The following GREM2 variants were observed in gnomAD, a reference collection of about 807,000 sequenced individuals.
GREM2 encodes gremlin 2, DAN family BMP antagonist.
In GREM2, 11 loss-of-function variants were observed where a neutral mutation model predicts 14.2. The observed-to-expected ratio is 0.78, with a 90% confidence interval of 0.49 to 1.28. The LOEUF (loss-of-function observed/expected upper bound fraction) is 1.28. GREM2 is among the 50% of genes most tolerant of loss of function. The probability of loss-of-function intolerance (pLI) is 0.00; values close to 1 mark genes in which losing one functional copy is unlikely to be tolerated. For missense variants in GREM2, 210 were observed against 218.5 expected (o/e 0.96, Z 0.24); for synonymous variants, 98 against 97.6 (o/e 1.00, Z -0.02).
In GREM2 at chr1:240,505,202, C is replaced by T. The variant is rs544169700; in HGVS notation, c.-1-11726G>A. The stretch of plus-strand genomic sequence containing the variant: ...CGCCATGACTGTAAGTTTCCTGAGG[C>T]CTCCCCAGAAGCTGAGCAGATGACC... On this transcript the variant is annotated intron_variant, in intron 1 of 1. Transcript: ENST00000318160. 2.2e-4 allele frequency among the ~76,000 whole-genome samples: 34 copies of T among 152,260 alleles called. No homozygotes were observed. The South Asian group carries it at 2.7e-3, about 12-fold the overall frequency.
At chr1:240,537,123 G>C (rs879722371) in intron 1 of GREM2, among the ~76,000 whole-genome samples, 1 of 152,128 alleles carries the variant, frequency 6.6e-6, no homozygotes, top group Non-Finnish European at 1.5e-5. Flanking sequence ...TAGCCTCCTT[G>C]CCTCCCTTCC....
intron 1 of GREM2, among the ~76,000 whole-genome samples, chr1:240,587,842 A>T (rs1679627831): frequency 6.6e-6 from 1 of 152,098 alleles, no homozygotes; most frequent in African/African-American, 2.4e-5. Context: ...GAATCCACTG[A>T]GGTAGTATTA....
intron 1 of GREM2, among the ~76,000 whole-genome samples, chr1:240,499,875 G>C (rs1248971771): frequency 2.6e-5 from 4 of 152,238 alleles, no homozygotes; most frequent in African/African-American, 9.6e-5. Context: ...GTGGAGACCT[G>C]AATATAATGC....
chr1:240,524,903 C>T (rs1357655328), intron 1 of GREM2, among the ~76,000 whole-genome samples: 1 of 152,146 alleles, frequency 6.6e-6, no homozygotes, highest in African/African-American at 2.4e-5. Context: ...AACAGCTAGG[C>T]CAGTCGTGGA....
intron 1 of GREM2, among the ~76,000 whole-genome samples, chr1:240,580,635 C>A (rs1161279674): frequency 6.6e-6 from 1 of 152,170 alleles, no homozygotes; most frequent in Non-Finnish European, 1.5e-5. Flanking sequence ...ACTGCAGTGG[C>A]ACAATCATAG....
chr1:240,577,641 A>C (rs535613600), intron 1 of GREM2, among the ~76,000 whole-genome samples: 9 of 152,326 alleles, frequency 5.9e-5, no homozygotes, highest in Admixed American at 4.6e-4. Context: ...TTTCTTTGGG[A>C]AATTATTACA....
chr1:240,531,714 C>CT (rs11353211), intron 1 of GREM2: 909 of 919,616 alleles, frequency 9.9e-4, no homozygotes, highest in South Asian at 1.2e-3. Context: ...TTTTCTTCTT[C>CT]TTTTTTTTTT....
chr1:240,510,473 A>AG (rs141446320), intron 1 of GREM2, among the ~76,000 whole-genome samples: 7,162 of 141,580 alleles, frequency 0.051, 591 homozygotes, highest in African/African-American at 0.17. Flanking sequence ...CTGGGGGTGG[A>AG]GGGGAAAGGA....
In GREM2 at chr1:240,531,687, TTTTTC is replaced by T. The variant is rs1357296237; in HGVS notation, c.-1-38216_-1-38212del. 5 of 976,094 alleles carry T rather than the reference TTTTTC, an allele frequency of 5.1e-6. No homozygotes were observed. The South Asian group carries it at 1.9e-4, about 37-fold the overall frequency. 60.5% of individuals were successfully genotyped at this position (976,094 alleles called of 1,614,324 possible). A position where few individuals can be genotyped will look rare whatever the true frequency, so the allele number is the denominator to read the frequency against. On this transcript the variant is annotated intron_variant, in intron 1 of 1. Coordinates refer to ENST00000318160, the MANE Select transcript of GREM2 (RefSeq NM_022469.4). ...GTGGACTCAGCTCTGAGTGCTCTCA[TTTTTC>T]TTTTCTTTTCTTTTTCTTCTTCTTT...
intron 1 of GREM2, among the ~76,000 whole-genome samples, chr1:240,566,563 A>C (rs1679179680): frequency 6.6e-6 from 1 of 152,138 alleles, no homozygotes; most frequent in Non-Finnish European, 1.5e-5. Context: ...GATGAGAGAG[A>C]GGTGCAGTGA....
Position 240,543,382 on chromosome 1 carries a change from G to C in GREM2, c.-1-49906C>G, listed in dbSNP as rs1027879615. Among the ~76,000 whole-genome samples, 1 of 152,216 alleles carries C rather than the reference G, an allele frequency of 6.6e-6. No individual in the cohort carries two copies. Among genetic ancestry groups the C allele is most frequent in the Non-Finnish European group, 1.5e-5 (1 of 68,042 alleles). ...CTCACAATCAAGGCAGAAGACAAAT[G>C]AGGAGCAAAATCACGTCTTACATGG... is the stretch of plus-strand genomic sequence containing the variant. On this transcript the variant is annotated intron_variant, in intron 1 of 1. Coordinates refer to ENST00000318160, the MANE Select transcript of GREM2 (RefSeq NM_022469.4). The surrounding 1 kb of genome is among the most constrained non-coding windows in gnomAD (Gnocchi z 6.4).
rs910020836 is a variant in GREM2 at position 240,580,172 on chromosome 1, C to T, written c.-2+31712G>A. Among the ~76,000 whole-genome samples, 4 of 152,114 alleles carry T rather than the reference C, an allele frequency of 2.6e-5. No individual in the cohort carries two copies. The East Asian group carries it at 5.8e-4, about 22-fold the overall frequency. On this transcript the variant is annotated intron_variant, in intron 1 of 1. Coordinates refer to ENST00000318160, the MANE Select transcript of GREM2 (RefSeq NM_022469.4). ...TTGGGAGGTCAAGGCAGGCAGATTG[C>T]TTGAGCCCAGGAGTTCGAGACCAGC...
At chr1:240,570,629 A>G (rs74149167) in intron 1 of GREM2, among the ~76,000 whole-genome samples, 3,310 of 152,312 alleles carry the variant, frequency 0.022, 117 homozygotes, top group African/African-American at 0.076. Context: ...CAATAAGAGA[A>G]CCAATCAAAT....
intron 1 of GREM2, among the ~76,000 whole-genome samples, chr1:240,557,770 T>A (rs904954020): frequency 6.6e-6 from 1 of 150,478 alleles, no homozygotes; most frequent in African/African-American, 2.4e-5. Context: ...GGTGAAGAGA[T>A]CCAAGATGGC....
At chr1:240,500,354 A>G (rs1325032017) in intron 1 of GREM2, among the ~76,000 whole-genome samples, 4 of 151,462 alleles carry the variant, frequency 2.6e-5, no homozygotes, top group African/African-American at 9.7e-5. Context: ...GCTGGAGTGC[A>G]GTGGCGCGAT....
At chr1:240,549,202 G>A (rs1440366889) in intron 1 of GREM2, among the ~76,000 whole-genome samples, 2 of 152,030 alleles carry the variant, frequency 1.3e-5, no homozygotes, top group African/African-American at 4.8e-5. Context: ...CAGGTGTGGT[G>A]GCACATGCCT....
At chr1:240,515,365 C>T (rs952735748) in intron 1 of GREM2, among the ~76,000 whole-genome samples, 2 of 152,166 alleles carry the variant, frequency 1.3e-5, no homozygotes, top group Non-Finnish European at 2.9e-5. Context: ...AATGGACCTA[C>T]GAGTCCAACT....
At chr1:240,567,029 C>A (rs1679185303) in intron 1 of GREM2, among the ~76,000 whole-genome samples, 1 of 151,992 alleles carries the variant, frequency 6.6e-6, no homozygotes, top group Non-Finnish European at 1.5e-5. Context: ...TCTCAAACTT[C>A]TAAAGATGAA....
intron 1 of GREM2, among the ~76,000 whole-genome samples, chr1:240,525,476 C>G (rs1032313118): frequency 1.3e-5 from 2 of 152,058 alleles, no homozygotes; most frequent in Admixed American, 1.3e-4. Context: ...AATTTAGTGG[C>G]TTAAGACTCC....
Sources: gnomAD v4.1 joint callset for allele counts (sites outside exome capture counted in the v4.1 genomes callset) on GRCh38, gnomAD v4.1.1 for gene constraint, Gnocchi (gnomAD v3.1) non-coding constraint, MANE v1.5 for transcripts, NCBI Gene and HGNC (gene_info 2026-07-23, HGNC 2026-07-21) for gene names.